Variants in MMP2 observed in about 807,000 individuals in gnomAD.
MMP2 encodes the protein 72 kDa type IV collagenase.
MMP2 carries 39 observed loss-of-function variants against 74.8 expected under a neutral mutation model. That is an observed-to-expected ratio of 0.52 (90% confidence interval 0.40 to 0.68). The LOEUF (loss-of-function observed/expected upper bound fraction) is 0.68, where lower values mean the gene tolerates loss of function less well. Among genes scored for constraint, MMP2 ranks in the 30% least tolerant of loss-of-function variants. The probability of loss-of-function intolerance (pLI) is 0.00; values close to 1 mark genes in which losing one functional copy is unlikely to be tolerated. For missense variants in MMP2, 803 were observed against 878.3 expected (o/e 0.91, Z 1.08); for synonymous variants, 367 against 339.8 (o/e 1.08, Z -0.88).
At chr16:55,491,508 G>A (rs1341027962) in intron 7 of MMP2, among the ~76,000 whole-genome samples, 6 of 152,054 alleles carry the variant, frequency 3.9e-5, no homozygotes, top group African/African-American at 7.2e-5. Flanking sequence ...TAGAAAATTC[G>A]CAGATACTAC....
chr16:55,488,214 G>T, intron 5 of MMP2: 1 of 361,960 alleles, frequency 2.8e-6, no homozygotes, highest in Admixed American at 4.3e-5. Flanking sequence ...CATGAAATTT[G>T]CATGGTACAG....
chr16:55,504,077 G>A (rs1375707030), intron 12 of MMP2, among the ~76,000 whole-genome samples: 1 of 152,168 alleles, frequency 6.6e-6, no homozygotes, highest in Non-Finnish European at 1.5e-5. Flanking sequence ...AGGATCGCTT[G>A]AGCCCAGGAG....
chr16:55,481,142 G>A (rs1470618276), intron 1 of MMP2, among the ~76,000 whole-genome samples: 1 of 152,208 alleles, frequency 6.6e-6, no homozygotes, highest in African/African-American at 2.4e-5. Context: ...TTATTCCATA[G>A]ACAGAGCAGG....
chr16:55,479,683 G>A, intron 1 of MMP2, 51 bp downstream of exon 1: 1 of 1,611,194 alleles, frequency 6.2e-7, no homozygotes, highest in Non-Finnish European at 8.5e-7. Flanking sequence ...AACTTCGGAG[G>A]CAAAGGATGG....
At chr16:55,483,228 A>G (rs1567373068) in intron 2 of MMP2, 93 bp downstream of exon 2, 2 of 1,004,572 alleles carry the variant, frequency 2.0e-6, no homozygotes, top group South Asian at 1.6e-5. Context: ...GGGATCCATG[A>G]GGTGTCTTTT....
intron 12 of MMP2, among the ~76,000 whole-genome samples, chr16:55,503,840 G>A (rs1255572511): frequency 6.6e-6 from 1 of 152,104 alleles, no homozygotes; most frequent in Non-Finnish European, 1.5e-5. Context: ...CTCACCTTCA[G>A]ATAATTATTG....
chr16:55,504,810 G>A (rs900448575), intron 12 of MMP2, among the ~76,000 whole-genome samples: 2 of 151,594 alleles, frequency 1.3e-5, no homozygotes, highest in South Asian at 2.1e-4. Flanking sequence ...CTACCACCAC[G>A]CCCGGCTAAT....
chr16:55,484,718 G>A (rs28392975), intron 3 of MMP2, among the ~76,000 whole-genome samples: 58 of 152,278 alleles, frequency 3.8e-4, no homozygotes, highest in African/African-American at 1.4e-3. Flanking sequence ...GGGGCCAGGT[G>A]GCCATGTGAG....
At chr16:55,488,204 C>T (rs1962305446) in intron 5 of MMP2, 2 of 343,296 alleles carry the variant, frequency 5.8e-6, no homozygotes, top group Admixed American at 4.4e-5. Context: ...ATCATTATTA[C>T]ATGAAATTTG....
intron 5 of MMP2, chr16:55,488,296 G>T: frequency 1.8e-6 from 1 of 548,012 alleles, no homozygotes; most frequent in Middle Eastern, 5.0e-4. Context: ...CTGTGTGCCA[G>T]GTGTCAATCA....
rs779554125 is a variant in MMP2 at position 55,483,074 on chromosome 16, G to T, written c.319G>T (p.Val107Leu). The T allele has an allele frequency of 6.2e-7, 1 of 1,614,160 alleles. No homozygotes were observed. ...MRKPRCGNPD[V>L]ANYNFFPRKP... The stretch of plus-strand genomic sequence containing the variant: ...GAAGCCACGCTGCGGCAACCCAGAT[G>T]TGGCCAACTACAACTTCTTCCCTCG... Residue 107 changes from valine (V) to leucine (L), a missense_variant, in exon 2 of 13, where the codon GTG becomes TTG. Transcript: ENST00000219070.
intron 12 of MMP2, among the ~76,000 whole-genome samples, chr16:55,504,651 ATTTTTTT>A (rs71149619): frequency 7.6e-6 from 1 of 131,712 alleles, no homozygotes; most frequent in Non-Finnish European, 1.6e-5. Flanking sequence ...AAACAATTGA[ATTTTTTT>A]TTTTTTTTTT....
intron 12 of MMP2, among the ~76,000 whole-genome samples, chr16:55,503,784 T>A (rs1323142191): frequency 6.6e-6 from 1 of 152,176 alleles, no homozygotes; most frequent in East Asian, 1.9e-4. Flanking sequence ...CTGTGGAGTC[T>A]GTGCGGAATC....
In MMP2 at chr16:55,489,827, A is replaced by G. The variant is rs1567376879; in HGVS notation, c.1180+3A>G. 2 of 1,613,898 alleles carry G rather than the reference A, an allele frequency of 1.2e-6. No homozygotes were observed. Among genetic ancestry groups the G allele is most frequent in the Non-Finnish European group, 1.7e-6 (2 of 1,179,900 alleles). On this transcript the variant is annotated splice_donor_region_variant and intron_variant, in intron 7 of 12. Coordinates refer to ENST00000219070, the MANE Select transcript of MMP2 (RefSeq NM_004530.6). ...GTGGGGCTTCTGCCCTGACCAAGGT[A>G]CGAGGCCCTGGTCATTGGACAGAGA... is the stretch of plus-strand genomic sequence containing the variant.
intron 7 of MMP2, among the ~76,000 whole-genome samples, chr16:55,490,365 C>T (rs1206649715): frequency 6.6e-6 from 1 of 152,226 alleles, no homozygotes; most frequent in Admixed American, 6.5e-5. Context: ...CATCAGTCAG[C>T]ACCATCTGTT....
chr16:55,492,433 A>G (rs1296448044), intron 8 of MMP2, among the ~76,000 whole-genome samples: 1 of 120,084 alleles, frequency 8.3e-6, no homozygotes, highest in Non-Finnish European at 1.6e-5. Context: ...CCAATTATTT[A>G]TTTATTTATT....
chr16:55,479,016 G>C (rs1962026248), upstream of MMP2: 1 of 152,422 alleles, frequency 6.6e-6, no homozygotes, highest in Admixed American at 6.6e-5. Flanking sequence ...GAGGCCAGGA[G>C]TAGCAGGCGG....
chr16:55,500,538 C>CACACACACACACACACAG (rs1227112652), intron 11 of MMP2, among the ~76,000 whole-genome samples: 49 of 147,734 alleles, frequency 3.3e-4, no homozygotes, highest in African/African-American at 1.1e-3. Context: ...CACACACACA[C>CACACACACACACACACAG]AGGCATGGAG....
rs2142361266 is a variant in MMP2 at position 55,493,216 on chromosome 16, T to G, written c.1395T>G (p.Thr465=). 6.2e-7 allele frequency: 1 copy of G among 1,614,074 alleles called. No individual in the cohort carries two copies. Among genetic ancestry groups the G allele is most frequent in the Non-Finnish European group, 8.5e-7 (1 of 1,180,024 alleles). Residue 465 remains threonine (T), a synonymous_variant, in exon 9 of 13, where the codon ACT becomes ACG. Transcript: ENST00000219070. ...CCACCCCCACGCTGGGCCCTGTCAC[T>G]CCTGAGATCTGCAAACAGGACATTG... is the stretch of plus-strand genomic sequence containing the variant. The part of the protein sequence containing the change: ...TGPTPTLGPV[T]PEICKQDIVF...
Sources: gnomAD v4.1 joint callset for allele counts (sites outside exome capture counted in the v4.1 genomes callset) on GRCh38, gnomAD v4.1.1 for gene constraint, MANE v1.5 for transcripts, NCBI Gene and HGNC (gene_info 2026-07-23, HGNC 2026-07-21) for gene names.